SAMMSON: variants seen among roughly 807,000 people sequenced by gnomAD.
SAMMSON encodes long intergenic non-protein coding RNA 1212.
intron 4 of SAMMSON, among the ~76,000 whole-genome samples, chr3:70,083,003 AC>A: frequency 6.6e-6 from 1 of 152,292 alleles, no homozygotes; most frequent in East Asian, 1.9e-4. Context: ...GTGTTTTGCT[AC>A]TAATTCTTGA....
At chr3:70,214,683 A>G (rs1051062327) in intron 4 of SAMMSON, among the ~76,000 whole-genome samples, 2 of 151,336 alleles carry the variant, frequency 1.3e-5, no homozygotes, top group Admixed American at 6.6e-5. Flanking sequence ...GCACCTGTAG[A>G]CAGACATAGG....
At chr3:70,418,950 CT>C (rs1701286855) in intron 2 of SAMMSON, among the ~76,000 whole-genome samples, 4 of 97,504 alleles carry the variant, frequency 4.1e-5, no homozygotes, top group Admixed American at 1.1e-4. Context: ...CTTTCCTTTC[CT>C]TTCCTTTCCT....
intron 4 of SAMMSON, among the ~76,000 whole-genome samples, chr3:70,155,338 A>G (rs1318814836): frequency 2.0e-5 from 3 of 151,998 alleles, no homozygotes; most frequent in African/African-American, 7.2e-5. Context: ...AAGCTCTTTC[A>G]GGAGATAATG....
At chr3:70,235,385 C>G (rs569715240) in intron 4 of SAMMSON, among the ~76,000 whole-genome samples, 3 of 152,316 alleles carry the variant, frequency 2.0e-5, no homozygotes, top group East Asian at 3.9e-4. Flanking sequence ...CCCACTCACT[C>G]CTTAATCCCT....
chr3:70,132,401 A>G (rs1429545820), intron 4 of SAMMSON, among the ~76,000 whole-genome samples: 2 of 152,202 alleles, frequency 1.3e-5, no homozygotes, highest in African/African-American at 4.8e-5. Flanking sequence ...CATGAGGTAC[A>G]TGCTGTGTAC....
chr3:70,028,086 T>TTCCG (rs2067048704), intron 3 of SAMMSON, among the ~76,000 whole-genome samples: 3 of 121,148 alleles, frequency 2.5e-5, no homozygotes, highest in Non-Finnish European at 3.6e-5. Flanking sequence ...CCTTCCTTCT[T>TTCCG]TCCTTCCTTC....
intron 4 of SAMMSON, among the ~76,000 whole-genome samples, chr3:70,087,596 CTG>C (rs1445390992): frequency 6.6e-6 from 1 of 152,146 alleles, no homozygotes; most frequent in Non-Finnish European, 1.5e-5. Flanking sequence ...AGAGATGACA[CTG>C]GAGTTATTTT....
At chr3:70,422,751 A>T (rs1701322729) in intron 2 of SAMMSON, among the ~76,000 whole-genome samples, 2 of 151,920 alleles carry the variant, frequency 1.3e-5, no homozygotes, top group South Asian at 2.1e-4. Context: ...TTCTGGTGGC[A>T]CCCATATAAA....
intron 2 of SAMMSON, among the ~76,000 whole-genome samples, chr3:70,400,388 T>C (rs1400350327): frequency 6.6e-6 from 1 of 152,110 alleles, no homozygotes; most frequent in African/African-American, 2.4e-5. Context: ...AGCAGGTTGT[T>C]AAAAAGATCT....
At chr3:70,307,565 A>G (rs919662112) in intron 7 of SAMMSON, among the ~76,000 whole-genome samples, 45 of 151,344 alleles carry the variant, frequency 3.0e-4, no homozygotes, top group African/African-American at 1.1e-3. Context: ...ATTTGGGCCT[A>G]TTTTCTCCTT....
chr3:70,261,012 G>T (rs183018006), intron 6 of SAMMSON, among the ~76,000 whole-genome samples: 1 of 152,036 alleles, frequency 6.6e-6, no homozygotes, highest in South Asian at 2.1e-4. Context: ...GAAAAATTCC[G>T]CTTGACATGA....
chr3:70,183,105 C>T (rs1701067035), intron 4 of SAMMSON, among the ~76,000 whole-genome samples: 1 of 152,146 alleles, frequency 6.6e-6, no homozygotes, highest in African/African-American at 2.4e-5. Flanking sequence ...CAGCTACAAG[C>T]CTAGGTGCTT....
chr3:70,138,503 C>A (rs2106679007), intron 4 of SAMMSON, among the ~76,000 whole-genome samples: 1 of 152,284 alleles, frequency 6.6e-6, no homozygotes, highest in South Asian at 2.1e-4. Flanking sequence ...ATGTCCTAAT[C>A]ACTTAGCAAA....
chr3:70,048,761 T>C (rs2067135996), intron 3 of SAMMSON, among the ~76,000 whole-genome samples: 1 of 152,152 alleles, frequency 6.6e-6, no homozygotes, highest in Non-Finnish European at 1.5e-5. Flanking sequence ...TATTATTTAA[T>C]GCAGATCACA....
chr3:70,174,092 G>A (rs1700985453), intron 4 of SAMMSON, among the ~76,000 whole-genome samples: 1 of 3,784 alleles, frequency 2.6e-4, no homozygotes, highest in South Asian at 0.17. Flanking sequence ...ATCTTGTCCA[G>A]CTTAATCTCA....
At position 70,229,312 on chromosome 3, in the gene SAMMSON, G is replaced by T. The variant is rs529145112; in HGVS notation, n.508-19795G>T. Among the ~76,000 whole-genome samples, 15 of 152,202 alleles carry T rather than the reference G, an allele frequency of 9.9e-5. 1 individual carries two copies. The South Asian group carries it at 3.1e-3, about 32-fold the overall frequency. On this transcript the variant is annotated intron_variant and non_coding_transcript_variant, in intron 4 of 9. Transcript: ENST00000642114. ...GCAACCATGTCAGTGCCTATATTAG[G>T]AATATTCTGTATTCAGAATGATCCT...
intron 3 of SAMMSON, chr3:70,069,951 C>CT (rs2067223851): frequency 6.6e-6 from 1 of 151,962 alleles, no homozygotes; most frequent in African/African-American, 2.4e-5. Context: ...GAAGATAATG[C>CT]TTATATCAGA....
At chr3:70,226,125 C>T (rs1701505301) in intron 4 of SAMMSON, among the ~76,000 whole-genome samples, 1 of 152,156 alleles carries the variant, frequency 6.6e-6, no homozygotes, top group Admixed American at 6.6e-5. Context: ...AACATCCCCA[C>T]CTAATAGATA....
intron 4 of SAMMSON, among the ~76,000 whole-genome samples, chr3:70,119,335 G>T (rs2067423915): frequency 1.3e-5 from 2 of 152,170 alleles, no homozygotes; most frequent in African/African-American, 4.8e-5. Context: ...CCAAAGTGCT[G>T]GGATTACAGG....
Sources: allele counts gnomAD v4.1 joint callset (sites outside exome capture counted in the v4.1 genomes callset), GRCh38; gene constraint gnomAD v4.1.1; transcripts MANE v1.5; gene names NCBI Gene and HGNC (gene_info 2026-07-23, HGNC 2026-07-21).